The following DLG1 variants were observed in gnomAD, a reference collection of about 807,000 sequenced individuals.
DLG1 encodes the protein disks large homolog 1.
A neutral mutation model predicts 123.4 loss-of-function variants in DLG1; 42 were observed. The ratio of observed to expected loss-of-function variants is 0.34; its 90% CI spans 0.27 to 0.44. The LOEUF is 0.44. DLG1 is among the 20% of genes least tolerant of loss of function. The pLI, the probability that DLG1 is intolerant of heterozygous loss-of-function variation, is 1.00. For missense variants in DLG1, 942 were observed against 1,082.6 expected, an observed-to-expected ratio of 0.87 and a Z score of 1.82; for synonymous variants, 317 against 356.2, an observed-to-expected ratio of 0.89 and a Z score of 1.24.
At chr3:197,171,864 G>A (rs1014640848) in intron 5 of DLG1, among the ~76,000 whole-genome samples, 2 of 152,064 alleles carry the variant, frequency 1.3e-5, no homozygotes, top group African/African-American at 4.8e-5. Context: ...TGTGGCTAGA[G>A]AAATAAGCAA....
chr3:197,121,577 CT>C, intron 11 of DLG1, among the ~76,000 whole-genome samples: 1 of 151,808 alleles, frequency 6.6e-6, no homozygotes, highest in Middle Eastern at 3.4e-3. Flanking sequence ...CAACAGACTT[CT>C]TTTTTTTCCT....
rs749224526 is a variant in DLG1 at position 197,130,589 on chromosome 3, T to A, written c.1103A>T (p.Lys368Ile). Residue 368 changes from lysine to isoleucine, a missense_variant, in exon 11 of 25, where the codon AAA becomes ATA. Lys to Ile is a moderately radical substitution (Grantham distance 102). Coordinates refer to ENST00000667157, the MANE Select transcript of DLG1 (RefSeq NM_001366207.1). ...ATACATACTTGTGGGTTTTGCCACT[T>A]TCAAATAAACAAAATCAGATGTGTT... ...LKNTSDFVYL[K>I]VAKPTSMYMN... 1 of 1,612,698 alleles carries A rather than the reference T, an allele frequency of 6.2e-7. No individual in the cohort carries two copies. Among genetic ancestry groups the A allele is most frequent in the South Asian group, 1.1e-5 (1 of 90,954 alleles).
chr3:197,194,321 G>A (rs1721271943), intron 5 of DLG1, 104 bp downstream of exon 5: 4 of 655,752 alleles, frequency 6.1e-6, no homozygotes, highest in Admixed American at 8.4e-5. Flanking sequence ...GGGGGGTGGG[G>A]TAGGGCGAAC....
chr3:197,091,780 T>C (rs1157111396), intron 14 of DLG1, among the ~76,000 whole-genome samples: 1 of 152,126 alleles, frequency 6.6e-6, no homozygotes, highest in African/African-American at 2.4e-5. Flanking sequence ...TTTTCCCCTC[T>C]ATTTATAACA....
At chr3:197,127,478 A>ACT in intron 11 of DLG1, among the ~76,000 whole-genome samples, 1 of 116,694 alleles carries the variant, frequency 8.6e-6, no homozygotes, top group Admixed American at 9.0e-5. Flanking sequence ...ATATATATAT[A>ACT]TATATATATA....
chr3:197,100,311 A>G (rs1415552874), intron 14 of DLG1, among the ~76,000 whole-genome samples: 1 of 152,222 alleles, frequency 6.6e-6, no homozygotes, highest in Non-Finnish European at 1.5e-5. Flanking sequence ...TTTGTAACTC[A>G]AGATTTCAAT....
intron 4 of DLG1, among the ~76,000 whole-genome samples, chr3:197,270,748 A>C (rs1763584015): frequency 6.6e-6 from 1 of 152,142 alleles, no homozygotes; most frequent in Non-Finnish European, 1.5e-5. Context: ...AATCCAACTC[A>C]GCACCACAAG....
At chr3:197,284,096 G>T (rs755322550) in intron 3 of DLG1, among the ~76,000 whole-genome samples, 4 of 151,932 alleles carry the variant, frequency 2.6e-5, no homozygotes, top group Non-Finnish European at 5.9e-5. Context: ...CCTGACCTCA[G>T]GTGATCTGCC....
rs1422257772 is a variant in DLG1, at chr3:197,044,550, C to T, written c.*73G>A. On this transcript the variant is annotated 3_prime_UTR_variant, in exon 25 of 25. Coordinates refer to ENST00000667157, the MANE Select transcript of DLG1 (RefSeq NM_001366207.1). ...ACATGAAATCAGTACTCAAGAAAGA[C>T]TCCAGAGGAAAGGGCAAAGAGATGC... 3 of 1,000,878 alleles carry T rather than the reference C, an allele frequency of 3.0e-6. No individual in the cohort carries two copies. The highest frequency in any genetic ancestry group is 4.6e-6 in the Non-Finnish European group (3 of 653,604). The allele number at this position is 1,000,878 out of a possible 1,614,324, so 62.0% of individuals were successfully genotyped here.
At chr3:197,136,997 C>G (rs1010350620) in intron 9 of DLG1, among the ~76,000 whole-genome samples, 3 of 152,178 alleles carry the variant, frequency 2.0e-5, no homozygotes, top group African/African-American at 7.2e-5. Flanking sequence ...CTTACCTACA[C>G]TTTTAATATT....
intron 17 of DLG1, among the ~76,000 whole-genome samples, chr3:197,079,975 AAG>A (rs1456124574): frequency 6.6e-6 from 1 of 151,956 alleles, no homozygotes; most frequent in Non-Finnish European, 1.5e-5. Flanking sequence ...ATATTATCAG[AAG>A]ACTTATAAAA....
chr3:197,169,472 C>T (rs1269501296), intron 5 of DLG1, among the ~76,000 whole-genome samples: 1 of 152,104 alleles, frequency 6.6e-6, no homozygotes, highest in Admixed American at 6.5e-5. Context: ...GATGAGAAGT[C>T]TGGAGTGAGG....
At position 197,084,336 on chromosome 3, in the gene DLG1, G is replaced by C. The variant is rs866783213; in HGVS notation, c.1838+1244C>G. 2.7e-4 allele frequency among the ~76,000 whole-genome samples: 41 copies of C among 149,766 alleles called. 1 individual carries two copies. The Middle Eastern group carries it at 0.01, about 38-fold the overall frequency. ...TTGTTGTTTTTTTTTTTTTGAGTCA[G>C]AGTCTTGCTCTGTCGCCGAGGCTGG... On this transcript the variant is annotated intron_variant, in intron 16 of 24. Transcript: ENST00000667157.
intron 24 of DLG1, among the ~76,000 whole-genome samples, chr3:197,050,905 G>T (rs147595472): frequency 2.9e-4 from 44 of 152,258 alleles, no homozygotes; most frequent in Middle Eastern, 3.4e-3. Flanking sequence ...GAATATATAC[G>T]AATTTTGTCA....
intron 24 of DLG1, among the ~76,000 whole-genome samples, chr3:197,049,536 C>T (rs1725790239): frequency 6.6e-6 from 1 of 152,180 alleles, no homozygotes. Flanking sequence ...GGGCGGATCA[C>T]CTGAGGTCAA....
chr3:197,169,936 C>A (rs913733783), intron 5 of DLG1, among the ~76,000 whole-genome samples: 3 of 152,130 alleles, frequency 2.0e-5, no homozygotes, highest in African/African-American at 7.2e-5. Flanking sequence ...CACACCGGCC[C>A]CAGTGTGTTG....
intron 4 of DLG1, among the ~76,000 whole-genome samples, chr3:197,221,719 T>C (rs1423942522): frequency 6.6e-6 from 1 of 152,188 alleles, no homozygotes; most frequent in Non-Finnish European, 1.5e-5. Flanking sequence ...TCAGTAAAAA[T>C]ACTGCCTGTA....
At chr3:197,071,355 T>A (rs1180901402) in intron 18 of DLG1, among the ~76,000 whole-genome samples, 1 of 151,910 alleles carries the variant, frequency 6.6e-6, no homozygotes, top group Non-Finnish European at 1.5e-5. Context: ...TGAATATATC[T>A]GATATTTATA....
intron 5 of DLG1, among the ~76,000 whole-genome samples, chr3:197,187,407 A>G (rs972585700): frequency 6.6e-6 from 1 of 152,184 alleles, no homozygotes; most frequent in African/African-American, 2.4e-5. Context: ...AAAACTACTA[A>G]GAGCTGCTAG....
Sources: gnomAD v4.1 joint callset for allele counts (sites outside exome capture counted in the v4.1 genomes callset) on GRCh38, gnomAD v4.1.1 for gene constraint, MANE v1.5 for transcripts, NCBI Gene and HGNC (gene_info 2026-07-23, HGNC 2026-07-21) for gene names.